LITAF: variants seen among roughly 807,000 people sequenced by gnomAD.
LITAF encodes lipopolysaccharide-induced tumor necrosis factor-alpha factor.
In LITAF, 9 loss-of-function variants were observed where a neutral mutation model predicts 14.5. The ratio of observed to expected loss-of-function variants is 0.62; its 90% confidence interval spans 0.37 to 1.08. The LOEUF (loss-of-function observed/expected upper bound fraction) is 1.08, where lower values mean the gene tolerates loss of function less well. Ranked by LOEUF, LITAF falls within the 50% of genes least tolerant of loss-of-function variation. The pLI is 0.01. For synonymous variants in LITAF, 98 were observed against 88.2 expected (o/e 1.11, Z -0.62); for missense variants, 206 against 213.4 (o/e 0.97, Z 0.22).
chr16:11,554,787 C>CAAAAAAAAAAAAAAAAAAAAAAAAA (rs56346206), intron 2 of LITAF, among the ~76,000 whole-genome samples: 1 of 64,492 alleles, frequency 1.6e-5, no homozygotes, highest in Non-Finnish European at 3.0e-5. Flanking sequence ...GACTCTACCT[C>CAAAAAAAAAAAAAAAAAAAAAAAAA]AAAAAAAAAA....
intron 3 of LITAF, among the ~76,000 whole-genome samples, chr16:11,606,359 A>T (rs2141872005): frequency 6.6e-6 from 1 of 150,982 alleles, no homozygotes; most frequent in South Asian, 2.1e-4. Context: ...TGTAGAGACG[A>T]GGTTTTGCCA....
At chr16:11,628,931 C>T (rs2065102044) in intron 3 of LITAF, among the ~76,000 whole-genome samples, 1 of 152,234 alleles carries the variant, frequency 6.6e-6, no homozygotes, top group South Asian at 2.1e-4. Context: ...CCGCCTTGGC[C>T]TCCCAAAGTG....
chr16:11,613,765 G>C (rs1453359318), intron 3 of LITAF, among the ~76,000 whole-genome samples: 6 of 152,236 alleles, frequency 3.9e-5, no homozygotes, highest in African/African-American at 1.4e-4. Flanking sequence ...GGAACCGAGG[G>C]CACAGAGGTG....
intron 1 of LITAF, among the ~76,000 whole-genome samples, chr16:11,569,512 G>A (rs890125652): frequency 6.6e-6 from 1 of 152,252 alleles, no homozygotes; most frequent in African/African-American, 2.4e-5. Context: ...AAAGTGCTGG[G>A]ATTAAATCAA....
chr16:11,569,960 A>G (rs906526420), intron 1 of LITAF, among the ~76,000 whole-genome samples: 1 of 151,436 alleles, frequency 6.6e-6, no homozygotes, highest in African/African-American at 2.4e-5. Context: ...GAACCTGGGA[A>G]GCGGAGATTG....
chr16:11,562,331 A>G (rs1597338678), intron 1 of LITAF, among the ~76,000 whole-genome samples: 1 of 151,688 alleles, frequency 6.6e-6, no homozygotes, highest in East Asian at 1.9e-4. Context: ...AAAAAAAAAA[A>G]AAAAAAAGAA....
chr16:11,627,460 A>T (rs1367780319), intron 3 of LITAF, among the ~76,000 whole-genome samples: 1 of 152,232 alleles, frequency 6.6e-6, no homozygotes, highest in Non-Finnish European at 1.5e-5. Flanking sequence ...CCAGTGACAC[A>T]ATACATTCTG....
At position 11,635,202 on chromosome 16, in the gene LITAF, T is replaced by C. The variant is rs780708399; in HGVS notation, c.-21+623A>G. Among the ~76,000 whole-genome samples the C allele has an allele frequency of 4.1e-4, 62 of 152,292 alleles. 1 individual carries two copies. Among genetic ancestry groups the C allele is most frequent in the Admixed American group, 1.3e-3 (20 of 15,292 alleles). ...TCTGGGCAGTGGGCAAAAGAATCTA[T>C]TAGGTGGTTATACGGATACACAAAT... On this transcript the variant is annotated intron_variant, in intron 2 of 3. Coordinates refer to the LITAF transcript ENST00000574848.
At chr16:11,554,805 A>T (rs1048902796) in intron 2 of LITAF, among the ~76,000 whole-genome samples, 1 of 151,708 alleles carries the variant, frequency 6.6e-6, no homozygotes, top group Non-Finnish European at 1.5e-5. Context: ...AAAAAAAAAA[A>T]AAAAAGAGAG....
At chr16:11,593,341 C>T (rs1318690675) in intron 1 of LITAF, among the ~76,000 whole-genome samples, 2 of 102,196 alleles carry the variant, frequency 2.0e-5, no homozygotes, top group Non-Finnish European at 3.6e-5. Flanking sequence ...GGGAGACAAG[C>T]GAAACTCTGT....
Position 11,553,426 on chromosome 16 carries a change from A to C in LITAF, c.377+107T>G. Reference sequence around the variant, plus strand: ...ATTCCATCTCAAAAAAAAACAACACAAATGTCTGGCCCTGAATGTCAAGCA... The same window carrying C: ...ATTCCATCTCAAAAAAAAACAACACCAATGTCTGGCCCTGAATGTCAAGCA... On this transcript the variant is annotated intron_variant, in intron 3 of 3. Coordinates refer to ENST00000622633, the MANE Select transcript of LITAF (RefSeq NM_001136472.2). The surrounding 1 kb of genome is among the most constrained non-coding windows in gnomAD (Gnocchi z 7.7). 1.6e-6 allele frequency: 2 copies of C among 1,251,034 alleles called. No individual in the cohort carries two copies. Among genetic ancestry groups the C allele is most frequent in the Non-Finnish European group, 2.3e-6 (2 of 882,098 alleles). The allele number at this position is 1,251,034 out of a possible 1,614,324, so 77.5% of individuals were successfully genotyped here.
At position 11,549,207 on chromosome 16, in the gene LITAF, G is replaced by A. The variant is rs2064147646; in HGVS notation, c.*430C>T. 1 of 451,754 alleles carries A rather than the reference G, an allele frequency of 2.2e-6. No homozygotes were observed. The highest frequency in any genetic ancestry group is 7.0e-5 in the East Asian group (1 of 14,336). 28.0% of individuals were successfully genotyped at this position (451,754 alleles called of 1,614,324 possible). On this transcript the variant is annotated 3_prime_UTR_variant, in exon 4 of 4. Transcript: ENST00000622633. The surrounding 1 kb of genome is among the most constrained non-coding windows in gnomAD (Gnocchi z 4.6). ...AAGATAATGGTAGGCACTAAAGGCT[G>A]GTTCAGCCGAGCTCTGGGCAGAACA...
chr16:11,563,814 G>C (rs551818355), intron 1 of LITAF, among the ~76,000 whole-genome samples: 1 of 152,074 alleles, frequency 6.6e-6, no homozygotes, highest in Non-Finnish European at 1.5e-5. Context: ...GGTGCCCAAA[G>C]CTGCATATTT....
chr16:11,608,265 C>G (rs2064964752), intron 3 of LITAF, among the ~76,000 whole-genome samples: 1 of 152,212 alleles, frequency 6.6e-6, no homozygotes, highest in Non-Finnish European at 1.5e-5. Flanking sequence ...TGCAGAAAGA[C>G]TGCCTGTCCC....
chr16:11,552,073 G>A (rs2064190266), intron 3 of LITAF, among the ~76,000 whole-genome samples: 2 of 152,062 alleles, frequency 1.3e-5, no homozygotes, highest in Admixed American at 6.6e-5. Context: ...AACTCTCTGG[G>A]ACTCTGAGCC....
At chr16:11,596,755 A>G (rs1288696277) in intron 1 of LITAF, among the ~76,000 whole-genome samples, 4 of 87,914 alleles carry the variant, frequency 4.5e-5, no homozygotes, top group Admixed American at 1.4e-4. Context: ...GAGGAAGAGA[A>G]GAAGGGAGAG....
chr16:11,576,807 C>T (rs1267276805), intron 1 of LITAF, among the ~76,000 whole-genome samples: 1 of 152,128 alleles, frequency 6.6e-6, no homozygotes, highest in Non-Finnish European at 1.5e-5. Flanking sequence ...CAGGCTTGGG[C>T]ATCTGCTTTG....
At chr16:11,554,186 T>C (rs2064230496) in intron 2 of LITAF, among the ~76,000 whole-genome samples, 1 of 152,056 alleles carries the variant, frequency 6.6e-6, no homozygotes, top group South Asian at 2.1e-4. Flanking sequence ...GAATCATGAT[T>C]GCGCCACTGC....
chr16:11,595,376 G>A (rs996401804), intron 1 of LITAF, among the ~76,000 whole-genome samples: 7 of 152,156 alleles, frequency 4.6e-5, no homozygotes, highest in Non-Finnish European at 5.9e-5. Context: ...GAGCTGAAAC[G>A]GGGTGAGCTC....
Sources: gnomAD v4.1 joint callset for allele counts (sites outside exome capture counted in the v4.1 genomes callset) on GRCh38, gnomAD v4.1.1 for gene constraint, Gnocchi (gnomAD v3.1) non-coding constraint, MANE v1.5 for transcripts, NCBI Gene and HGNC (gene_info 2026-07-23, HGNC 2026-07-21) for gene names.